Variants in TMC1 observed in about 807,000 individuals in gnomAD.
TMC1 encodes transmembrane channel-like protein 1.
TMC1 carries 84 observed loss-of-function variants against 105.8 expected under a neutral mutation model. The observed-to-expected ratio is 0.79, with a 90% CI of 0.67 to 0.95. The LOEUF (loss-of-function observed/expected upper bound fraction) is 0.95. Ranked by LOEUF, TMC1 falls within the 40% of genes least tolerant of loss-of-function variation. The probability of loss-of-function intolerance (pLI) is 0.00; values close to 1 mark genes in which losing one functional copy is unlikely to be tolerated. For missense variants in TMC1, 817 were observed against 914.1 expected, an observed-to-expected ratio of 0.89 and a Z score of 1.37; for synonymous variants, 315 against 311.5, an observed-to-expected ratio of 1.01 and a Z score of -0.12.
chr9:72,558,370 CA>C (rs900904887), intron 1 of TMC1, among the ~76,000 whole-genome samples: 1 of 152,158 alleles, frequency 6.6e-6, no homozygotes, highest in African/African-American at 2.4e-5. Context: ...AGTAGCTAAG[CA>C]TAGAGTAATG....
At chr9:72,756,091 G>A (rs894282146) in intron 12 of TMC1, among the ~76,000 whole-genome samples, 4 of 152,164 alleles carry the variant, frequency 2.6e-5, no homozygotes, top group African/African-American at 9.7e-5. Flanking sequence ...TATTGAGTTA[G>A]CATGAGGCAC....
intron 1 of TMC1, among the ~76,000 whole-genome samples, chr9:72,537,373 C>T (rs564437604): frequency 6.6e-6 from 1 of 152,130 alleles, no homozygotes; most frequent in African/African-American, 2.4e-5. Flanking sequence ...GAATTCCTCT[C>T]CTGAAAACAC....
intron 17 of TMC1, among the ~76,000 whole-genome samples, chr9:72,793,915 G>T (rs1828319745): frequency 6.6e-6 from 1 of 152,092 alleles, no homozygotes; most frequent in Admixed American, 6.5e-5. Context: ...GGATCCCCAG[G>T]GGCAACTGAA....
chr9:72,758,418 G>A (rs896800980), intron 12 of TMC1, among the ~76,000 whole-genome samples: 4 of 152,130 alleles, frequency 2.6e-5, no homozygotes, highest in Non-Finnish European at 5.9e-5. Flanking sequence ...TAAAATATAG[G>A]AGATTTGGTT....
rs1232502234 is a variant in TMC1 at position 72,816,139 on chromosome 9, CT to C, written c.1696-3del. Reference sequence around the variant, plus strand: ...TAATCCAATGAACATTGTGTCTCCTCTAGCCTTCATACACCGAATTCGACAT... The same window carrying C: ...TAATCCAATGAACATTGTGTCTCCTCAGCCTTCATACACCGAATTCGACAT... On this transcript the variant is annotated splice_polypyrimidine_tract_variant and splice_region_variant and intron_variant, in intron 18 of 23. Coordinates refer to ENST00000297784, the MANE Select transcript of TMC1 (RefSeq NM_138691.3). 1 of 1,613,166 alleles carries C rather than the reference CT, an allele frequency of 6.2e-7. No homozygotes were observed. Among genetic ancestry groups the C allele is most frequent in the Non-Finnish European group, 8.5e-7 (1 of 1,179,340 alleles).
chr9:72,744,461 T>C (rs1827453750), intron 10 of TMC1, among the ~76,000 whole-genome samples: 1 of 152,210 alleles, frequency 6.6e-6, no homozygotes, highest in East Asian at 1.9e-4. Context: ...CATGGATTTC[T>C]TAGGTTTCAA....
intron 10 of TMC1, among the ~76,000 whole-genome samples, chr9:72,748,446 A>C (rs2501919): frequency 0.25 from 38,604 of 152,052 alleles, 5,254 homozygotes; most frequent in East Asian, 0.39. Flanking sequence ...ACTTAACCTC[A>C]TTAAGTTCTA....
At chr9:72,559,481 G>GATT (rs1232940360) in intron 1 of TMC1, among the ~76,000 whole-genome samples, 2 of 152,074 alleles carry the variant, frequency 1.3e-5, no homozygotes, top group African/African-American at 4.8e-5. Flanking sequence ...ACAAACTCTA[G>GATT]TGTCACCTAT....
At chr9:72,687,347 T>G (rs1460935731) in intron 5 of TMC1, among the ~76,000 whole-genome samples, 2 of 152,142 alleles carry the variant, frequency 1.3e-5, no homozygotes, top group African/African-American at 4.8e-5. Flanking sequence ...GAATCCTTCT[T>G]TGACTGAAGA....
intron 3 of TMC1, among the ~76,000 whole-genome samples, chr9:72,621,410 A>G (rs1825246782): frequency 6.6e-6 from 1 of 152,170 alleles, no homozygotes; most frequent in African/African-American, 2.4e-5. Flanking sequence ...GACATTTGTG[A>G]GAGGACATCG....
rs77885108 is a variant in TMC1 at position 72,835,869 on chromosome 9, C to T, written c.2261-82C>T. ...TCAGAACCATTAAGCACACTGAAAG[C>T]TACGTTTTTATTTGCCTCCTGTTCA... On this transcript the variant is annotated intron_variant, in intron 23 of 23. Transcript: ENST00000297784. The T allele has an allele frequency of 7.9e-5, 120 of 1,517,792 alleles. No individual in the cohort carries two copies. The African/African-American group carries it at 1.4e-3, about 18-fold the overall frequency. 94.0% of individuals were successfully genotyped at this position (1,517,792 alleles called of 1,614,324 possible).
At chr9:72,647,110 C>T (rs1174166349) in intron 4 of TMC1, among the ~76,000 whole-genome samples, 1 of 141,544 alleles carries the variant, frequency 7.1e-6, no homozygotes, top group Non-Finnish European at 1.5e-5. Context: ...CCACTGCACT[C>T]TAGCCTGGGT....
intron 10 of TMC1, among the ~76,000 whole-genome samples, chr9:72,749,428 G>A (rs1019336329): frequency 6.6e-6 from 1 of 152,158 alleles, no homozygotes; most frequent in African/African-American, 2.4e-5. Context: ...AAAACATGAT[G>A]AGTGAACCTG....
intron 13 of TMC1, among the ~76,000 whole-genome samples, chr9:72,781,625 G>T (rs564503587): frequency 3.4e-4 from 52 of 152,106 alleles, no homozygotes; most frequent in African/African-American, 1.2e-3. Flanking sequence ...AATGACAAAA[G>T]GGACATTACC....
At chr9:72,730,266 C>T (rs138705395) in intron 8 of TMC1, among the ~76,000 whole-genome samples, 134 of 152,056 alleles carry the variant, frequency 8.8e-4, no homozygotes, top group African/African-American at 3.0e-3. Flanking sequence ...TTAGTTTCTA[C>T]GGCCTGCCCT....
chr9:72,692,332 T>C (rs1182933215), intron 6 of TMC1, among the ~76,000 whole-genome samples: 1 of 152,098 alleles, frequency 6.6e-6, no homozygotes, highest in Admixed American at 6.6e-5. Flanking sequence ...TGTATGGTAT[T>C]GTGTTAGCAG....
At chr9:72,577,481 C>T (rs1458262849) in intron 1 of TMC1, among the ~76,000 whole-genome samples, 1 of 152,200 alleles carries the variant, frequency 6.6e-6, no homozygotes, top group African/African-American at 2.4e-5. Flanking sequence ...CTTCATAATG[C>T]CTCCATTTCT....
chr9:72,581,821 A>G (rs181262728), intron 2 of TMC1, among the ~76,000 whole-genome samples: 128 of 152,320 alleles, frequency 8.4e-4, no homozygotes, highest in African/African-American at 3.0e-3. Flanking sequence ...CTCATGCTCC[A>G]CAGTGCTGAA....
chr9:72,613,848 GAGA>G (rs1825077412), intron 2 of TMC1, among the ~76,000 whole-genome samples: 1 of 152,108 alleles, frequency 6.6e-6, no homozygotes, highest in Non-Finnish European at 1.5e-5. Context: ...TACCAATGGC[GAGA>G]AGGAGGAAGG....
Sources: gnomAD v4.1 joint callset for allele counts (sites outside exome capture counted in the v4.1 genomes callset) on GRCh38, gnomAD v4.1.1 for gene constraint, MANE v1.5 for transcripts, NCBI Gene and HGNC (gene_info 2026-07-23, HGNC 2026-07-21) for gene names.